The following ITPR2 variants were observed in gnomAD, a reference collection of about 807,000 sequenced individuals.
The protein encoded by ITPR2 is inositol 1,4,5-trisphosphate receptor type 2, also known as inositol 1,4,5-trisphosphate-gated calcium channel ITPR2.
A neutral mutation model predicts 317.1 loss-of-function variants in ITPR2; 207 were observed. The ratio of observed to expected loss-of-function variants is 0.65; its 90% CI spans 0.58 to 0.73. ITPR2 has a LOEUF of 0.73. ITPR2 is among the 30% of genes least tolerant of loss of function. ITPR2 has a pLI of 0.00. For missense variants in ITPR2, 2,613 were observed against 3,284.0 expected (o/e 0.80, Z 4.99); for synonymous variants, 1,156 against 1,149.1 (o/e 1.01, Z -0.12).
intron 2 of ITPR2, among the ~76,000 whole-genome samples, chr12:26,756,622 A>AGGGCTTTCTGACTGAGCTCCT: frequency 2.0e-5 from 3 of 152,204 alleles, no homozygotes; most frequent in Non-Finnish European, 4.4e-5. Context: ...GATAGCCCTC[A>AGGGCTTTCTGACTGAGCTCCT]CCATACTGAT....
chr12:26,624,313 A>G lies in ITPR2; in HGVS notation c.3108T>C (p.Thr1036=). 6.2e-7 allele frequency: 1 copy of G among 1,606,696 alleles called. No individual in the cohort carries two copies. The highest frequency in any genetic ancestry group is 8.5e-7 in the Non-Finnish European group (1 of 1,175,064). Residue 1036 remains threonine (T), a synonymous_variant, in exon 24 of 57, where the codon ACT becomes ACC. Coordinates refer to ENST00000381340, the MANE Select transcript of ITPR2 (RefSeq NM_002223.4). ...TGTTACTATACCTTCCCGCAAACAT[A>G]GTTTCTGCCTGAGCTGCAATTTCAT... ...DIDEIAAQAE[T]MFAGRKEKNP...
At chr12:26,643,829 G>C (rs923765528) in intron 21 of ITPR2, among the ~76,000 whole-genome samples, 1 of 152,116 alleles carries the variant, frequency 6.6e-6, no homozygotes, top group African/African-American at 2.4e-5. Context: ...TATGAGAAAA[G>C]AGAAATGCCT....
chr12:26,807,649 T>C (rs1393374194), intron 1 of ITPR2, among the ~76,000 whole-genome samples: 2 of 152,230 alleles, frequency 1.3e-5, no homozygotes, highest in Non-Finnish European at 2.9e-5. Flanking sequence ...TTTATTCTCC[T>C]AATTATTAAA....
At chr12:26,696,853 T>C (rs571946606) in intron 9 of ITPR2, among the ~76,000 whole-genome samples, 12 of 152,320 alleles carry the variant, frequency 7.9e-5, no homozygotes, top group African/African-American at 2.9e-4. Context: ...ACTGGCAAGC[T>C]GCCATGAAAT....
chr12:26,716,349 G>C, intron 5 of ITPR2, 107 bp from the exon 6 acceptor site: 1 of 651,946 alleles, frequency 1.5e-6, no homozygotes, highest in Non-Finnish European at 2.7e-6. Context: ...TCTGACATCT[G>C]GTCCTTTTAT....
At chr12:26,410,728 A>G (rs1940520844) in intron 52 of ITPR2, among the ~76,000 whole-genome samples, 1 of 152,212 alleles carries the variant, frequency 6.6e-6, no homozygotes, top group African/African-American at 2.4e-5. Context: ...TATATGACAC[A>G]TGCCATAGTT....
chr12:26,654,548 G>C (rs531040027), intron 20 of ITPR2, among the ~76,000 whole-genome samples: 3 of 152,268 alleles, frequency 2.0e-5, no homozygotes, highest in Admixed American at 6.5e-5. Context: ...GACATTCCAA[G>C]TGCGAGAGTC....
intron 26 of ITPR2, among the ~76,000 whole-genome samples, chr12:26,605,126 A>AAAAAAAATATATATATAT (rs1555165395): frequency 7.3e-6 from 1 of 136,306 alleles, no homozygotes. Context: ...AAAAAATAAA[A>AAAAAAAATATATATATAT]ATATATATAT....
Position 26,831,365 on chromosome 12 carries a change from C to T in ITPR2, c.92+1325G>A, listed in dbSNP as rs1421157116. Among the ~76,000 whole-genome samples, 1 of 152,118 alleles carries T rather than the reference C, an allele frequency of 6.6e-6. No homozygotes were observed. The highest frequency in any genetic ancestry group is 1.5e-5 in the Non-Finnish European group (1 of 68,038). The stretch of plus-strand genomic sequence containing the variant: ...ACTGTGGAAGTACTGGTGACTTCCA[C>T]GTCCCAGTGCTTGGTAGGCAGCAGT... On this transcript the variant is annotated intron_variant, in intron 1 of 56. Transcript: ENST00000381340. The surrounding 1 kb of genome is among the most constrained non-coding windows in gnomAD (Gnocchi z 4.9).
intron 32 of ITPR2, among the ~76,000 whole-genome samples, chr12:26,589,849 TATATACACACAC>T (rs1565624401): frequency 0.017 from 668 of 39,760 alleles, 18 homozygotes; most frequent in Middle Eastern, 0.033. Context: ...TATATATATA[TATATACACACAC>T]ACACACACAC....
chr12:26,711,003 T>C (rs1948634292), intron 9 of ITPR2, among the ~76,000 whole-genome samples, 170 bp downstream of exon 9: 1 of 152,222 alleles, frequency 6.6e-6, no homozygotes, highest in African/African-American at 2.4e-5. Flanking sequence ...ATACTTTGAC[T>C]AACATTTACA....
intron 10 of ITPR2, among the ~76,000 whole-genome samples, chr12:26,692,812 G>T (rs1948265522): frequency 6.6e-6 from 1 of 152,054 alleles, no homozygotes; most frequent in South Asian, 2.1e-4. Context: ...TATTAACTGG[G>T]CATTACATAG....
chr12:26,503,872 C>A (rs912800924), intron 37 of ITPR2, among the ~76,000 whole-genome samples: 1 of 152,168 alleles, frequency 6.6e-6, no homozygotes, highest in Non-Finnish European at 1.5e-5. Context: ...ATAAAGAGGA[C>A]ATTACAATGC....
At chr12:26,443,828 G>C (rs1225605731) in intron 45 of ITPR2, among the ~76,000 whole-genome samples, 178 bp from the exon 46 acceptor site, 1 of 152,134 alleles carries the variant, frequency 6.6e-6, no homozygotes, top group African/African-American at 2.4e-5. Flanking sequence ...AAATCACAAT[G>C]ATCAGCCATT....
intron 45 of ITPR2, among the ~76,000 whole-genome samples, chr12:26,449,258 G>A (rs1393188723): frequency 6.6e-6 from 1 of 152,178 alleles, no homozygotes; most frequent in South Asian, 2.1e-4. Flanking sequence ...GTATATTTAG[G>A]CAATTGTATT....
chr12:26,609,960 T>C (rs1344452068), intron 26 of ITPR2, among the ~76,000 whole-genome samples: 1 of 152,152 alleles, frequency 6.6e-6, no homozygotes, highest in East Asian at 1.9e-4. Flanking sequence ...CAGACATAAG[T>C]ATGGGAATAT....
chr12:26,721,488 T>C (rs988687753), intron 5 of ITPR2: 11 of 433,862 alleles, frequency 2.5e-5, no homozygotes, highest in African/African-American at 2.0e-4. Context: ...ATTATACTTT[T>C]ATATTGCTTC....
At chr12:26,567,972 TATA>T (rs1945028697) in intron 34 of ITPR2, among the ~76,000 whole-genome samples, 1 of 8,672 alleles carries the variant, frequency 1.2e-4, no homozygotes, top group African/African-American at 3.0e-4. Flanking sequence ...ATATATATTA[TATA>T]TATTATATAT....
chr12:26,504,835 T>C (rs538110835), intron 37 of ITPR2, among the ~76,000 whole-genome samples: 108 of 151,892 alleles, frequency 7.1e-4, no homozygotes, highest in South Asian at 2.7e-3. Flanking sequence ...GACAGGAAAA[T>C]TGACAAATAA....
Sources: gnomAD v4.1 joint callset for allele counts (sites outside exome capture counted in the v4.1 genomes callset) on GRCh38, gnomAD v4.1.1 for gene constraint, Gnocchi (gnomAD v3.1) non-coding constraint, MANE v1.5 for transcripts, NCBI Gene and HGNC (gene_info 2026-07-23, HGNC 2026-07-21) for gene names.